GREB1: variants seen among roughly 807,000 people sequenced by gnomAD.
GREB1 encodes the protein protein GREB1.
In GREB1, 106 loss-of-function variants were observed where a neutral mutation model predicts 200.7. The ratio of observed to expected loss-of-function variants is 0.53; its 90% CI spans 0.45 to 0.62. The LOEUF is 0.62. Among genes scored for constraint, GREB1 ranks in the 20% least tolerant of loss-of-function variants. The pLI, the probability that GREB1 is intolerant of heterozygous loss-of-function variation, is 0.00. For missense variants in GREB1, 2,243 were observed against 2,556.8 expected (o/e 0.88, Z 2.65); for synonymous variants, 1,132 against 1,092.4 (o/e 1.04, Z -0.72).
At chr2:11,537,214 T>G (rs1254312420) in intron 1 of GREB1, among the ~76,000 whole-genome samples, 3 of 152,234 alleles carry the variant, frequency 2.0e-5, no homozygotes, top group Non-Finnish European at 4.4e-5. Flanking sequence ...TTTGCCTGCC[T>G]TGGCTTCCCA....
At chr2:11,615,580 A>G (rs962512803) in intron 20 of GREB1, among the ~76,000 whole-genome samples, 3 of 152,242 alleles carry the variant, frequency 2.0e-5, no homozygotes, top group Admixed American at 1.3e-4. Context: ...AAGAATAGGA[A>G]GAAAAATTAA....
chr2:11,546,863 G>A (rs145876184), intron 1 of GREB1, among the ~76,000 whole-genome samples: 199 of 152,110 alleles, frequency 1.3e-3, no homozygotes, highest in Non-Finnish European at 2.2e-3. Context: ...ACTAGAAATG[G>A]CACCAGAAAG....
In GREB1 at chr2:11,627,437, G is replaced by A. The variant is rs1684559159; in HGVS notation, c.4449+333G>A. The stretch of plus-strand genomic sequence containing the variant: ...TTCTGTACCAGGCACTGGGGCTGCA[G>A]AGCTGAATCAACTCTGTCCCCATCC... On this transcript the variant is annotated intron_variant, in intron 25 of 32. Transcript: ENST00000381486. 3.3e-5 allele frequency among the ~76,000 whole-genome samples: 5 copies of A among 152,202 alleles called. No homozygotes were observed. In the South Asian group the frequency reaches 1.0e-3, roughly 31 times the overall value.
At chr2:11,612,100 A>T (rs2148315653) in intron 18 of GREB1, among the ~76,000 whole-genome samples, 1 of 151,828 alleles carries the variant, frequency 6.6e-6, no homozygotes, top group South Asian at 2.1e-4. Flanking sequence ...AGGCTGAGGC[A>T]GGAGAATCAC....
intron 4 of GREB1, among the ~76,000 whole-genome samples, chr2:11,573,588 C>T (rs1227356625): frequency 2.6e-5 from 4 of 152,182 alleles, no homozygotes; most frequent in Admixed American, 6.5e-5. Flanking sequence ...CTCCCAGGGC[C>T]GGTTGGGAAG....
At chr2:11,541,920 G>T (rs1169604805) in intron 1 of GREB1, among the ~76,000 whole-genome samples, 2 of 152,186 alleles carry the variant, frequency 1.3e-5, no homozygotes, top group Non-Finnish European at 2.9e-5. Context: ...CTTCTTTTCA[G>T]ACAGCAAACC....
chr2:11,610,674 T>C lies in GREB1; in HGVS notation c.2667-14T>C, dbSNP rs200382835. On this transcript the variant is annotated splice_polypyrimidine_tract_variant and intron_variant, in intron 17 of 32. Coordinates refer to ENST00000381486, the MANE Select transcript of GREB1 (RefSeq NM_014668.4). Reference sequence around the variant, plus strand: ...GCGGCCGTCACAGACATGGTCTCTCTGTGTTCCTTGCAGGTTCCCCCGCCT... The same window carrying C: ...GCGGCCGTCACAGACATGGTCTCTCCGTGTTCCTTGCAGGTTCCCCCGCCT... The C allele has an allele frequency of 1.5e-3, 2,423 of 1,597,426 alleles. 9 individuals are homozygous for C. The highest frequency in any genetic ancestry group is 3.0e-3 in the South Asian group (269 of 89,130).
In GREB1 at chr2:11,521,214, T is replaced by C. The variant is rs139358343; in HGVS notation, c.-158-35243T>C. Among the ~76,000 whole-genome samples, 699 of 152,238 alleles carry C rather than the reference T, an allele frequency of 4.6e-3. 11 individuals carry two copies. Among genetic ancestry groups the C allele is most frequent in the African/African-American group, 0.016 (656 of 41,544 alleles). On this transcript the variant is annotated intron_variant, in intron 1 of 2. Coordinates refer to the GREB1 transcript ENST00000628795. ...CCTTGACCTCCCTGGGCTCAGGTGA[T>C]GCCTCCTGCCTCAGCCTCCTGAGTA...
intron 17 of GREB1, among the ~76,000 whole-genome samples, chr2:11,609,850 C>G (rs989088996): frequency 6.6e-6 from 1 of 152,154 alleles, no homozygotes; most frequent in East Asian, 1.9e-4. Context: ...TTTTGTAGGT[C>G]GAGAAACTAC....
Position 11,487,144 on chromosome 2 carries a change from C to T in GREB1, c.-159+4763C>T, listed in dbSNP as rs189569134. Among the ~76,000 whole-genome samples, 1,074 of 152,202 alleles carry T rather than the reference C, an allele frequency of 7.1e-3. 16 individuals carry two copies. Among genetic ancestry groups the T allele is most frequent in the African/African-American group, 0.024 (992 of 41,528 alleles). The stretch of plus-strand genomic sequence containing the variant: ...TTGATAAATTGTCATTTCAGTATTT[C>T]GCTAGTGGATGCTTGAGCTTTGCCT... On this transcript the variant is annotated intron_variant, in intron 1 of 2. Coordinates refer to the GREB1 transcript ENST00000628795.
rs1558512857 is a variant in GREB1 at position 11,539,046 on chromosome 2, CT to C, written c.-162+4793del. Among the ~76,000 whole-genome samples the C allele has an allele frequency of 4.3e-5, 6 of 139,884 alleles. 1 individual carries two copies. Among genetic ancestry groups the C allele is most frequent in the Non-Finnish European group, 6.2e-5 (4 of 64,604 alleles). 91.8% of individuals were successfully genotyped at this position (139,884 alleles called of 152,430 possible). ...CTCTTCTCTTCTCTTCTCTTCTCTTCTCTTCTCTTCTCTTCTCTTCTCTTAT... is the reference window on the plus strand; with the variant it reads ...CTCTTCTCTTCTCTTCTCTTCTCTTCCTTCTCTTCTCTTCTCTTCTCTTAT... On this transcript the variant is annotated intron_variant, in intron 1 of 32. Coordinates refer to ENST00000381486, the MANE Select transcript of GREB1 (RefSeq NM_014668.4).
chr2:11,551,581 T>C (rs1181937152), intron 1 of GREB1, among the ~76,000 whole-genome samples: 2 of 152,268 alleles, frequency 1.3e-5, no homozygotes, highest in Non-Finnish European at 2.9e-5. Flanking sequence ...CCATTTACTC[T>C]TAGGCAAATG....
rs60141733 is a variant in GREB1 at position 11,516,311 on chromosome 2, G to GGTGTGTGTGT, written c.-159+33958_-159+33967dup. Among the ~76,000 whole-genome samples the GGTGTGTGTGT allele has an allele frequency of 3.3e-3, 476 of 143,958 alleles. 1 individual carries two copies. The highest frequency in any genetic ancestry group is 9.6e-3 in the African/African-American group (374 of 38,800). The allele number at this position is 143,958 out of a possible 152,430, so 94.4% of individuals were successfully genotyped here. ...ACCAAGTGCTGTAGATTTTCCTGCA[G>GGTGTGTGTGT]GTGTGTGTGTGTGTGTGTGTGTGTG... On this transcript the variant is annotated intron_variant, in intron 1 of 2. Transcript: ENST00000628795.
At chr2:11,540,917 G>T (rs13021546) in intron 1 of GREB1, among the ~76,000 whole-genome samples, 96,555 of 152,172 alleles carry the variant, frequency 0.63, 32,342 homozygotes, top group South Asian at 0.84. Flanking sequence ...GACGCAGTCC[G>T]GAGAGTGTTG....
At chr2:11,495,542 T>C (rs534186981) in intron 1 of GREB1, among the ~76,000 whole-genome samples, 9 of 152,128 alleles carry the variant, frequency 5.9e-5, no homozygotes, top group African/African-American at 2.2e-4. Flanking sequence ...GTTGGGGTCA[T>C]GCACTGTTCC....
Position 11,556,784 on chromosome 2 carries a change from C to A in GREB1, c.157+13C>A. The A allele has an allele frequency of 1.2e-6, 2 of 1,610,492 alleles. No homozygotes were observed. Among genetic ancestry groups the A allele is most frequent in the Non-Finnish European group, 1.7e-6 (2 of 1,177,920 alleles). ...GCCGCTCTAGAAGGTGGGAGACGCA[C>A]GTTGCTTTTATCTGTGTATTTCTTT... On this transcript the variant is annotated intron_variant, in intron 2 of 32. Transcript: ENST00000381486.
intron 22 of GREB1, among the ~76,000 whole-genome samples, chr2:11,619,388 G>A (rs1188181732): frequency 6.6e-6 from 1 of 152,210 alleles, no homozygotes; most frequent in Non-Finnish European, 1.5e-5. Context: ...TCCTGTGCGT[G>A]AGCCTGTGGG....
chr2:11,569,896 C>T (rs1440551861), intron 4 of GREB1, among the ~76,000 whole-genome samples: 1 of 152,012 alleles, frequency 6.6e-6, no homozygotes, highest in Admixed American at 6.6e-5. Flanking sequence ...GGTGGGGTGC[C>T]CAGCTGGGTT....
At chr2:11,571,159 A>G (rs1440423334) in intron 4 of GREB1, among the ~76,000 whole-genome samples, 5 of 152,098 alleles carry the variant, frequency 3.3e-5, no homozygotes, top group African/African-American at 1.2e-4. Flanking sequence ...TTAATATGGC[A>G]CACAATGAGC....
Sources: gnomAD v4.1 joint callset for allele counts (sites outside exome capture counted in the v4.1 genomes callset) on GRCh38, gnomAD v4.1.1 for gene constraint, MANE v1.5 for transcripts, NCBI Gene and HGNC (gene_info 2026-07-23, HGNC 2026-07-21) for gene names.